The following DGKI variants were observed in gnomAD, a reference collection of about 807,000 sequenced individuals.
The protein encoded by DGKI is DAG kinase iota.
Under a neutral mutation model 147.5 loss-of-function variants are expected in DGKI, and 55 were observed. That is an observed-to-expected ratio of 0.37 (90% confidence interval 0.30 to 0.47). The LOEUF (loss-of-function observed/expected upper bound fraction) is 0.47, where lower values mean the gene tolerates loss of function less well. Among genes scored for constraint, DGKI ranks in the 20% least tolerant of loss-of-function variants. DGKI has a pLI of 1.00. For synonymous variants in DGKI, 469 were observed against 477.1 expected, an observed-to-expected ratio of 0.98 and a Z score of 0.22; for missense variants, 1,007 against 1,323.8, an observed-to-expected ratio of 0.76 and a Z score of 3.71.
intron 21 of DGKI, among the ~76,000 whole-genome samples, chr7:137,497,469 T>C (rs1322317145): frequency 6.6e-6 from 1 of 152,100 alleles, no homozygotes; most frequent in Non-Finnish European, 1.5e-5. Flanking sequence ...TAAATCACTC[T>C]AACATAAAGA....
intron 1 of DGKI, among the ~76,000 whole-genome samples, chr7:137,828,335 C>T (rs998948395): frequency 6.6e-6 from 1 of 152,144 alleles, no homozygotes; most frequent in Non-Finnish European, 1.5e-5. Context: ...AATTAGTATT[C>T]CATATCTATT....
chr7:137,828,091 G>A (rs1290351296), intron 1 of DGKI, among the ~76,000 whole-genome samples: 2 of 152,158 alleles, frequency 1.3e-5, no homozygotes, highest in African/African-American at 4.8e-5. Flanking sequence ...CCTGTAGACA[G>A]GTCAATGTCT....
At chr7:137,429,846 A>G (rs1812988234) in intron 28 of DGKI, among the ~76,000 whole-genome samples, 1 of 124,498 alleles carries the variant, frequency 8.0e-6, no homozygotes, top group African/African-American at 3.1e-5. Context: ...AATCAAAACC[A>G]CAATGAGATA....
chr7:137,510,568 C>T (rs975718249), intron 21 of DGKI, among the ~76,000 whole-genome samples: 9 of 152,204 alleles, frequency 5.9e-5, no homozygotes, highest in African/African-American at 2.2e-4. Context: ...TGAAATATTA[C>T]ATGTCTGAAA....
chr7:137,473,357 T>C lies in DGKI; in HGVS notation c.2374-3738A>G, dbSNP rs147304264. Among the ~76,000 whole-genome samples the C allele has an allele frequency of 2.0e-3, 303 of 152,230 alleles. 1 individual carries two copies. Among genetic ancestry groups the C allele is most frequent in the African/African-American group, 7.0e-3 (289 of 41,544 alleles). On this transcript the variant is annotated intron_variant, in intron 23 of 32. Coordinates refer to ENST00000614521, the MANE Select transcript of DGKI (RefSeq NM_001321708.2). ...CGCCATAAAGCTCTTTAAAATACTT[T>C]AATGGGTCCTCAAATAGGTTCAACA...
chr7:137,790,515 C>G (rs951429349), intron 1 of DGKI, among the ~76,000 whole-genome samples: 6 of 152,202 alleles, frequency 3.9e-5, no homozygotes, highest in African/African-American at 1.2e-4. Flanking sequence ...ATAAAAAGCT[C>G]AGATGCCTGG....
intron 17 of DGKI, among the ~76,000 whole-genome samples, chr7:137,576,290 G>A (rs563947108): frequency 3.3e-5 from 5 of 151,880 alleles, no homozygotes; most frequent in South Asian, 2.1e-4. Context: ...CAGCTGCCTC[G>A]GCCTCCCAAA....
intron 21 of DGKI, among the ~76,000 whole-genome samples, 198 bp from the exon 22 acceptor site, chr7:137,487,887 C>T (rs1482194300): frequency 1.3e-5 from 2 of 152,154 alleles, no homozygotes; most frequent in African/African-American, 4.8e-5. Flanking sequence ...TTGTCACACA[C>T]TTTCCTAGCA....
intron 23 of DGKI, among the ~76,000 whole-genome samples, chr7:137,478,788 T>A (rs575115425): frequency 2.2e-4 from 34 of 152,344 alleles, no homozygotes; most frequent in East Asian, 1.9e-4. Flanking sequence ...ATGGAAGCTC[T>A]AGGTTGGACC....
intron 1 of DGKI, among the ~76,000 whole-genome samples, chr7:137,770,899 A>T (rs564187166): frequency 6.6e-6 from 1 of 152,298 alleles, no homozygotes; most frequent in African/African-American, 2.4e-5. Flanking sequence ...TCAAGATCAT[A>T]TAGTCTTGAA....
chr7:137,735,537 A>C (rs529663709), intron 1 of DGKI, among the ~76,000 whole-genome samples: 1 of 137,260 alleles, frequency 7.3e-6, no homozygotes, highest in African/African-American at 3.5e-5. Flanking sequence ...ATGATGAGGT[A>C]GACGGGTTTT....
At chr7:137,606,226 TAA>T (rs920415542) in intron 10 of DGKI, among the ~76,000 whole-genome samples, 10 of 151,992 alleles carry the variant, frequency 6.6e-5, no homozygotes, top group African/African-American at 2.4e-4. Flanking sequence ...AAATATTATA[TAA>T]AGAGAAAAAG....
chr7:137,645,511 G>A lies in DGKI; in HGVS notation c.765C>T (p.His255=), dbSNP rs763435626. 143 of 1,612,720 alleles carry A rather than the reference G, an allele frequency of 8.9e-5. No homozygotes were observed. The highest frequency in any genetic ancestry group is 2.6e-5 in the Non-Finnish European group (31 of 1,179,286). Residue 255 remains histidine (H), a synonymous_variant, in exon 6 of 33, where the codon CAC becomes CAT. Transcript: ENST00000614521. ...RENFVRHHWV[H]RRRQEGKCKQ... is the part of the protein sequence containing the mutation. ...TACATTTCCCCTCCTGCCGACGCCT[G>A]TGCACCCAGTGATGACGTACAAAAT...
chr7:137,621,537 C>G (rs1414984086), intron 7 of DGKI, among the ~76,000 whole-genome samples: 1 of 152,172 alleles, frequency 6.6e-6, no homozygotes, highest in Non-Finnish European at 1.5e-5. Context: ...CATCAAATAT[C>G]CTAGAAGGGG....
chr7:137,479,802 T>G (rs1019169398), intron 23 of DGKI, among the ~76,000 whole-genome samples: 4 of 152,170 alleles, frequency 2.6e-5, no homozygotes, highest in Admixed American at 2.6e-4. Context: ...TTCAAAATTC[T>G]CATCTGTCTG....
chr7:137,819,555 C>T (rs1797836237), intron 1 of DGKI, among the ~76,000 whole-genome samples: 1 of 152,150 alleles, frequency 6.6e-6, no homozygotes, highest in South Asian at 2.1e-4. Context: ...TGTGATCTGC[C>T]CGTCTCAGCC....
intron 28 of DGKI, among the ~76,000 whole-genome samples, chr7:137,440,170 G>A (rs905519015): frequency 2.6e-4 from 39 of 152,186 alleles, no homozygotes; most frequent in African/African-American, 8.9e-4. Flanking sequence ...CAGAGGAAAT[G>A]CAGAGGACAG....
chr7:137,550,375 C>T (rs1320728407), intron 20 of DGKI, among the ~76,000 whole-genome samples: 1 of 151,932 alleles, frequency 6.6e-6, no homozygotes, highest in African/African-American at 2.4e-5. Flanking sequence ...GGGGTTTTGC[C>T]GTGTTGACCA....
chr7:137,601,582 G>A (rs1819993288), intron 10 of DGKI, among the ~76,000 whole-genome samples: 1 of 152,228 alleles, frequency 6.6e-6, no homozygotes, highest in Non-Finnish European at 1.5e-5. Flanking sequence ...TAACCTTGCA[G>A]AAATGCAGTA....
Sources: allele counts gnomAD v4.1 joint callset (sites outside exome capture counted in the v4.1 genomes callset), GRCh38; gene constraint gnomAD v4.1.1; transcripts MANE v1.5; gene names NCBI Gene and HGNC (gene_info 2026-07-23, HGNC 2026-07-21).